Variants in SMIM35 observed in about 807,000 individuals in gnomAD.
SMIM35 encodes small integral membrane protein 35.
chr11:118,040,044 CAAAAA>C (rs35273108), intron 1 of SMIM35, among the ~76,000 whole-genome samples: 1 of 102,232 alleles, frequency 9.8e-6, no homozygotes. Flanking sequence ...GACCTTATCT[CAAAAA>C]AAAAAAAAAA....
chr11:118,007,040 A>T (rs1239458499), intron 4 of SMIM35, among the ~76,000 whole-genome samples: 1 of 152,214 alleles, frequency 6.6e-6, no homozygotes, highest in Non-Finnish European at 1.5e-5. Context: ...TCAGTTGTGT[A>T]GTACATACAC....
chr11:118,081,606 G>T (rs1048725912), intron 1 of SMIM35, among the ~76,000 whole-genome samples: 2 of 152,228 alleles, frequency 1.3e-5, no homozygotes, highest in East Asian at 3.8e-4. Flanking sequence ...CCAGGCGTGC[G>T]CACCTGTCCA....
chr11:118,014,815 G>C (rs1036074865), intron 2 of SMIM35, 74 bp from the exon 3 acceptor site: 1 of 398,386 alleles, frequency 2.5e-6, no homozygotes. Flanking sequence ...AAGAACGTCT[G>C]GTGCTCCCTC....
chr11:118,013,291 G>A (rs2058159760), intron 4 of SMIM35, among the ~76,000 whole-genome samples: 2 of 152,214 alleles, frequency 1.3e-5, no homozygotes, highest in Non-Finnish European at 2.9e-5. Flanking sequence ...TGAGATGTGG[G>A]GAAGGGATGG....
intron 1 of SMIM35, among the ~76,000 whole-genome samples, chr11:118,081,477 G>A (rs1488296497): frequency 1.3e-5 from 2 of 152,200 alleles, no homozygotes; most frequent in Non-Finnish European, 2.9e-5. Flanking sequence ...TCCCCTGCCC[G>A]TGGCCCCCAG....
chr11:118,031,660 C>T lies in SMIM35; in HGVS notation c.8-15851G>A, dbSNP rs139597473. Among the ~76,000 whole-genome samples the T allele has an allele frequency of 7.1e-3, 1,084 of 152,150 alleles. 10 individuals are homozygous for T. The highest frequency in any genetic ancestry group is 0.025 in the African/African-American group (1,043 of 41,480). On this transcript the variant is annotated intron_variant, in intron 1 of 4. Coordinates refer to ENST00000689828, the MANE Select transcript of SMIM35 (RefSeq NM_001394165.1). ...TAATTAATTAATTAAAAGTTTACTGCACAATGGCATACTTAGTTTCAAATT... is the reference window on the plus strand; with the variant it reads ...TAATTAATTAATTAAAAGTTTACTGTACAATGGCATACTTAGTTTCAAATT...
chr11:118,037,606 G>A (rs1173300255), intron 1 of SMIM35, among the ~76,000 whole-genome samples: 9 of 152,166 alleles, frequency 5.9e-5, no homozygotes, highest in Non-Finnish European at 1.2e-4. Context: ...CTCTTTCGGC[G>A]GTTAGCAAGT....
In SMIM35 at chr11:118,040,610, T is replaced by G. The variant is rs144877398; in HGVS notation, c.8-24801A>C. 1.1e-3 allele frequency among the ~76,000 whole-genome samples: 165 copies of G among 152,190 alleles called. 2 individuals carry two copies. The East Asian group carries it at 0.026, about 24-fold the overall frequency. ...AAATACCAAAGGACATCCATCAGGC[T>G]AAAAGCAAATGATCTCATGCTAATT... On this transcript the variant is annotated intron_variant, in intron 1 of 4. Coordinates refer to ENST00000689828, the MANE Select transcript of SMIM35 (RefSeq NM_001394165.1).
At chr11:118,064,533 C>T (rs1057064686) in intron 1 of SMIM35, among the ~76,000 whole-genome samples, 1 of 152,244 alleles carries the variant, frequency 6.6e-6, no homozygotes, top group Non-Finnish European at 1.5e-5. Context: ...ATCCTCTTCC[C>T]TCAGCCTCCT....
At chr11:118,056,178 CT>C (rs749239984) in intron 1 of SMIM35, among the ~76,000 whole-genome samples, 9 of 152,100 alleles carry the variant, frequency 5.9e-5, no homozygotes, top group Admixed American at 1.3e-4. Flanking sequence ...CTATTGGCCC[CT>C]GAGAGGCTCA....
intron 1 of SMIM35, chr11:118,059,125 T>C (rs572422837): frequency 1.7e-4 from 26 of 152,314 alleles, no homozygotes; most frequent in Middle Eastern, 3.4e-3. Flanking sequence ...ACCCCAACAT[T>C]AGGTTCTGCA....
At position 118,047,804 on chromosome 11, in the gene SMIM35, T is replaced by C. The variant is rs566590411; in HGVS notation, c.8-31995A>G. Among the ~76,000 whole-genome samples, 91 of 152,366 alleles carry C rather than the reference T, an allele frequency of 6.0e-4. 1 individual carries two copies. Among genetic ancestry groups the C allele is most frequent in the African/African-American group, 2.1e-3 (87 of 41,588 alleles). ...CTTTACAGCAGCCTAAGCAAATGCC[T>C]TCTGTGGGCTGGGGATCTCTGTGAC... is the stretch of plus-strand genomic sequence containing the variant. On this transcript the variant is annotated intron_variant, in intron 1 of 4. Transcript: ENST00000689828.
At chr11:118,028,899 G>A (rs1242101776) in intron 1 of SMIM35, 10 of 426,000 alleles carry the variant, frequency 2.3e-5, no homozygotes, top group Non-Finnish European at 4.2e-5. Flanking sequence ...AGGAGGGGAA[G>A]GAGGACAGGA....
Position 118,081,457 on chromosome 11 carries a change from G to T in SMIM35, c.7+5294C>A, listed in dbSNP as rs979414364. 2.0e-5 allele frequency among the ~76,000 whole-genome samples: 3 copies of T among 152,206 alleles called. No homozygotes were observed. In the East Asian group the frequency reaches 5.8e-4, roughly 29 times the overall value. ...AAATGTGTAAACAAGATGGAAAACCGCAACAGTCCTCCCCTGCCCGTGGCC... is the reference window on the plus strand; with the variant it reads ...AAATGTGTAAACAAGATGGAAAACCTCAACAGTCCTCCCCTGCCCGTGGCC... On this transcript the variant is annotated intron_variant, in intron 1 of 4. Coordinates refer to ENST00000689828, the MANE Select transcript of SMIM35 (RefSeq NM_001394165.1).
intron 4 of SMIM35, among the ~76,000 whole-genome samples, chr11:118,010,722 G>A (rs950813713): frequency 1.3e-5 from 2 of 152,190 alleles, no homozygotes; most frequent in Admixed American, 6.5e-5. Flanking sequence ...AGGGACAAGA[G>A]GCCACCCAGG....
rs1225068984 is a variant in SMIM35, at chr11:118,086,796, C to T, written c.-39G>A. 5 of 152,752 alleles carry T rather than the reference C, an allele frequency of 3.3e-5. No individual in the cohort carries two copies. The highest frequency in any genetic ancestry group is 7.3e-5 in the Non-Finnish European group (5 of 68,108). The allele number at this position is 152,752 out of a possible 1,614,324, so 9.5% of individuals were successfully genotyped here. Reference sequence around the variant, plus strand: ...AAGAGAGAGAGCCCTGTTGCCAGCGCAGCAAAGGCATCAAACTGCCTATTC... The same window carrying T: ...AAGAGAGAGAGCCCTGTTGCCAGCGTAGCAAAGGCATCAAACTGCCTATTC... On this transcript the variant is annotated 5_prime_UTR_variant, in exon 1 of 5. Coordinates refer to ENST00000689828, the MANE Select transcript of SMIM35 (RefSeq NM_001394165.1).
At chr11:118,078,878 C>T (rs949880195) in intron 1 of SMIM35, among the ~76,000 whole-genome samples, 4 of 152,166 alleles carry the variant, frequency 2.6e-5, no homozygotes, top group South Asian at 2.1e-4. Context: ...GCACATGCAC[C>T]GGGTTCGCAG....
At position 118,004,216 on chromosome 11, in the gene SMIM35, A is replaced by G. The variant is rs1031793247; in HGVS notation, c.*2194T>C. On this transcript the variant is annotated 3_prime_UTR_variant, in exon 5 of 5. Transcript: ENST00000689828. ...AGAGGCTTTACCTCCAAATACCGTC[A>G]CATTGGGAGTGACAGCTTCAACATG... 3.9e-5 allele frequency: 6 copies of G among 152,268 alleles called. No individual in the cohort carries two copies. Among genetic ancestry groups the G allele is most frequent in the Admixed American group, 1.3e-4 (2 of 15,290 alleles). 9.4% of individuals were successfully genotyped at this position (152,268 alleles called of 1,614,324 possible). A position where few individuals can be genotyped will look rare whatever the true frequency, so the allele number is the denominator to read the frequency against.
intron 1 of SMIM35, among the ~76,000 whole-genome samples, chr11:118,024,476 T>C (rs1037587823): frequency 6.6e-6 from 1 of 152,172 alleles, no homozygotes; most frequent in Admixed American, 6.5e-5. Flanking sequence ...TGTTCTGTTT[T>C]GTTTTGTTTT....
Sources: gnomAD v4.1 joint callset for allele counts (sites outside exome capture counted in the v4.1 genomes callset) on GRCh38, gnomAD v4.1.1 for gene constraint, MANE v1.5 for transcripts, NCBI Gene and HGNC (gene_info 2026-07-23, HGNC 2026-07-21) for gene names.